Variants in PDE1A observed in about 807,000 individuals in gnomAD.
PDE1A encodes the protein dual specificity calcium/calmodulin-dependent 3',5'-cyclic nucleotide phosphodiesterase 1A.
A neutral mutation model predicts 61.7 loss-of-function variants in PDE1A; 35 were observed. That is an observed-to-expected ratio of 0.57 (90% CI 0.43 to 0.75). The LOEUF is 0.75. PDE1A is among the 30% of genes least tolerant of loss of function. The probability of loss-of-function intolerance (pLI) is 0.00; values close to 1 mark genes in which losing one functional copy is unlikely to be tolerated. For missense variants in PDE1A, 597 were observed against 630.6 expected, an observed-to-expected ratio of 0.95 and a Z score of 0.57; for synonymous variants, 232 against 213.2, an observed-to-expected ratio of 1.09 and a Z score of -0.77.
chr2:182,475,717 G>C (rs1171727145), intron 2 of PDE1A, among the ~76,000 whole-genome samples: 3 of 151,826 alleles, frequency 2.0e-5, no homozygotes, highest in Non-Finnish European at 4.4e-5. Context: ...CTTTAATGAA[G>C]TTAATATACA....
the PDE1A span, among the ~76,000 whole-genome samples, chr2:182,594,341 C>T: frequency 6.6e-6 from 1 of 152,210 alleles, no homozygotes; most frequent in Admixed American, 6.5e-5. Flanking sequence ...GCACTTTGCA[C>T]AGCGTATTTC....
chr2:182,159,490 C>T (rs913781122), intron 13 of PDE1A, among the ~76,000 whole-genome samples: 1 of 152,182 alleles, frequency 6.6e-6, no homozygotes, highest in African/African-American at 2.4e-5. Context: ...ATTCATCACA[C>T]AGCAGTTCAC....
intron 2 of PDE1A, among the ~76,000 whole-genome samples, chr2:182,442,173 C>G (rs1009458081): frequency 1.6e-4 from 25 of 151,954 alleles, no homozygotes; most frequent in Admixed American, 8.5e-4. Context: ...TGCCTCCTGA[C>G]CCAATATCAC....
At chr2:182,256,129 C>T (rs1287007455) in intron 2 of PDE1A, among the ~76,000 whole-genome samples, 5 of 137,508 alleles carry the variant, frequency 3.6e-5, no homozygotes, top group African/African-American at 1.4e-4. Context: ...TACATGTGCA[C>T]ATTGTGCAGG....
At chr2:182,422,917 T>A (rs1359259304) in intron 1 of PDE1A, among the ~76,000 whole-genome samples, 1 of 152,190 alleles carries the variant, frequency 6.6e-6, no homozygotes, top group Non-Finnish European at 1.5e-5. Context: ...ATTAATATAG[T>A]TTTGTGATTG....
At chr2:182,445,373 G>A (rs1043241344) in intron 2 of PDE1A, among the ~76,000 whole-genome samples, 7 of 152,116 alleles carry the variant, frequency 4.6e-5, no homozygotes, top group South Asian at 4.1e-4. Flanking sequence ...TTGAGCTATC[G>A]CCTCAAAATA....
At chr2:182,161,344 G>T (rs1400090486) in intron 13 of PDE1A, among the ~76,000 whole-genome samples, 2 of 151,932 alleles carry the variant, frequency 1.3e-5, no homozygotes, top group Non-Finnish European at 2.9e-5. Context: ...TGAGGACGTT[G>T]GTTGGGGAAA....
At chr2:182,396,826 T>C in intron 1 of PDE1A, among the ~76,000 whole-genome samples, 1 of 152,182 alleles carries the variant, frequency 6.6e-6, no homozygotes, top group African/African-American at 2.4e-5. Context: ...GGGTTTAAGT[T>C]GACAAGGGGT....
intron 2 of PDE1A, among the ~76,000 whole-genome samples, chr2:182,435,093 T>C (rs1415804372): frequency 6.6e-6 from 1 of 151,950 alleles, no homozygotes; most frequent in Non-Finnish European, 1.5e-5. Flanking sequence ...CTCACAGCCT[T>C]AAGTGCTGCC....
At chr2:182,161,351 G>GA (rs201084072) in intron 13 of PDE1A, among the ~76,000 whole-genome samples, 123 of 149,370 alleles carry the variant, frequency 8.2e-4, no homozygotes, top group Middle Eastern at 3.5e-3. Context: ...GTTGGTTGGG[G>GA]AAAAAAAAAA....
intron 2 of PDE1A, among the ~76,000 whole-genome samples, chr2:182,512,765 C>G (rs188086910): frequency 6.6e-6 from 1 of 152,234 alleles, no homozygotes; most frequent in East Asian, 1.9e-4. Flanking sequence ...ACAAACTGTT[C>G]TGATAGAGCT....
At chr2:182,218,211 T>A (rs112668171) in intron 7 of PDE1A, among the ~76,000 whole-genome samples, 2 of 144,380 alleles carry the variant, frequency 1.4e-5, no homozygotes, top group African/African-American at 2.6e-5. Flanking sequence ...TAGGTGGGAA[T>A]TGAACAATGA....
Position 182,191,527 on chromosome 2 carries a change from G to C in PDE1A, c.1126-2467C>G, listed in dbSNP as rs148874870. 2.0e-4 allele frequency among the ~76,000 whole-genome samples: 31 copies of C among 151,942 alleles called. 1 individual carries two copies. Among genetic ancestry groups the C allele is most frequent in the Non-Finnish European group, 2.9e-5 (2 of 67,952 alleles). ...GTTTTATTCTTTTGTGTATTTGTTA[G>C]GTTGGTGCAAAAGTAATTGTGGTTT... is the stretch of plus-strand genomic sequence containing the variant. On this transcript the variant is annotated intron_variant, in intron 10 of 13. Coordinates refer to ENST00000351439, the Ensembl canonical transcript of PDE1A.
intron 2 of PDE1A, among the ~76,000 whole-genome samples, chr2:182,493,341 G>A (rs976782003): frequency 6.7e-6 from 1 of 150,216 alleles, no homozygotes; most frequent in Non-Finnish European, 1.5e-5. Context: ...GTGCAGGCTT[G>A]TTACATATGT....
intron 7 of PDE1A, among the ~76,000 whole-genome samples, chr2:182,219,686 T>C (rs1318682324): frequency 6.6e-6 from 1 of 152,130 alleles, no homozygotes; most frequent in Non-Finnish European, 1.5e-5. Context: ...TTCAGGCTTT[T>C]CAGTGGGTAA....
chr2:182,178,362 T>A (rs1397429518), intron 13 of PDE1A, among the ~76,000 whole-genome samples: 1 of 152,054 alleles, frequency 6.6e-6, no homozygotes, highest in African/African-American at 2.4e-5. Flanking sequence ...CCATTCAAAT[T>A]GGAGGAGGGA....
At chr2:182,703,869 G>A in the PDE1A span, among the ~76,000 whole-genome samples, 1 of 152,014 alleles carries the variant, frequency 6.6e-6, no homozygotes, top group South Asian at 2.1e-4. Flanking sequence ...TGTGGCCATG[G>A]TTACAGGAAT....
chr2:182,477,195 C>T (rs537774448), intron 2 of PDE1A, among the ~76,000 whole-genome samples: 16 of 151,886 alleles, frequency 1.1e-4, no homozygotes, highest in Admixed American at 2.0e-4. Flanking sequence ...AAGTGTACTG[C>T]GGGGTAATGC....
At chr2:182,277,545 G>C (rs181737962) in intron 1 of PDE1A, among the ~76,000 whole-genome samples, 1 of 152,168 alleles carries the variant, frequency 6.6e-6, no homozygotes, top group East Asian at 1.9e-4. Context: ...TCTCTTGTAA[G>C]TTCATATCTG....
Sources: gnomAD v4.1 joint callset for allele counts (sites outside exome capture counted in the v4.1 genomes callset) on GRCh38, gnomAD v4.1.1 for gene constraint, MANE v1.5 for transcripts, NCBI Gene and HGNC (gene_info 2026-07-23, HGNC 2026-07-21) for gene names.